The following RPS6KC1 variants were observed in gnomAD, a reference collection of about 807,000 sequenced individuals.
The protein encoded by RPS6KC1 is inactive ribosomal protein S6 kinase delta-1.
Under a neutral mutation model 103.8 loss-of-function variants are expected in RPS6KC1, and 54 were observed. The observed-to-expected ratio is 0.52, with a 90% CI of 0.42 to 0.65. The LOEUF (loss-of-function observed/expected upper bound fraction) is 0.65. Ranked by LOEUF, RPS6KC1 falls within the 30% of genes least tolerant of loss-of-function variation. RPS6KC1 has a pLI of 0.00. For synonymous variants in RPS6KC1, 439 were observed against 438.7 expected (o/e 1.00, Z -0.01); for missense variants, 1,151 against 1,253.8 (o/e 0.92, Z 1.24).
intron 7 of RPS6KC1, among the ~76,000 whole-genome samples, chr1:213,171,505 A>G (rs1384733148): frequency 6.6e-6 from 1 of 152,224 alleles, no homozygotes; most frequent in Non-Finnish European, 1.5e-5. Flanking sequence ...AAAAGACAAT[A>G]AATGATCTAA....
At chr1:213,069,328 G>A (rs2078657304) in intron 1 of RPS6KC1, among the ~76,000 whole-genome samples, 1 of 152,124 alleles carries the variant, frequency 6.6e-6, no homozygotes, top group African/African-American at 2.4e-5. Context: ...TTGTTCTCTG[G>A]AATTCTTAGG....
chr1:213,543,147 A>G, the RPS6KC1 span, among the ~76,000 whole-genome samples: 7 of 152,218 alleles, frequency 4.6e-5, no homozygotes, highest in African/African-American at 1.4e-4. Context: ...GTGGTTACGG[A>G]TGAGCCTAGA....
the RPS6KC1 span, among the ~76,000 whole-genome samples, chr1:213,514,449 G>C: frequency 6.7e-3 from 937 of 139,734 alleles, no homozygotes; most frequent in Middle Eastern, 0.014. Context: ...TCTCATTGTT[G>C]AATTCCCACC....
At chr1:213,849,289 G>T in the RPS6KC1 span, among the ~76,000 whole-genome samples, 22 of 152,266 alleles carry the variant, frequency 1.4e-4, no homozygotes, top group Non-Finnish European at 2.4e-4. Flanking sequence ...AGAGACAGGG[G>T]CTGTTAGGAG....
chr1:213,813,167 C>G, the RPS6KC1 span, among the ~76,000 whole-genome samples: 1 of 152,036 alleles, frequency 6.6e-6, no homozygotes, highest in African/African-American at 2.4e-5. Flanking sequence ...AGGAGAATCA[C>G]TTGAACCCGG....
the RPS6KC1 span, among the ~76,000 whole-genome samples, chr1:213,758,947 A>AGT: frequency 0.31 from 47,742 of 152,038 alleles, 7,951 homozygotes; most frequent in East Asian, 0.57. Context: ...TTGATAAGGC[A>AGT]GTGGTAGGGC....
the RPS6KC1 span, among the ~76,000 whole-genome samples, chr1:213,586,703 A>G: frequency 2.0e-5 from 3 of 151,814 alleles, no homozygotes; most frequent in Non-Finnish European, 2.9e-5. Flanking sequence ...CTCCCCTCCC[A>G]CCTCCTTTGG....
the RPS6KC1 span, among the ~76,000 whole-genome samples, chr1:213,661,990 G>A: frequency 6.6e-6 from 1 of 152,130 alleles, no homozygotes; most frequent in Non-Finnish European, 1.5e-5. Context: ...TCCTATTAAT[G>A]TGGCTGGAAC....
the RPS6KC1 span, among the ~76,000 whole-genome samples, chr1:213,836,641 A>T: frequency 5.3e-4 from 81 of 152,302 alleles, no homozygotes; most frequent in Admixed American, 1.5e-3. Flanking sequence ...TGATAAATAT[A>T]TGATGTATAT....
the RPS6KC1 span, among the ~76,000 whole-genome samples, chr1:213,703,682 G>A: frequency 6.6e-6 from 1 of 152,070 alleles, no homozygotes; most frequent in African/African-American, 2.4e-5. Context: ...TGGTTTGTAA[G>A]GTTCCCACTG....
the RPS6KC1 span, among the ~76,000 whole-genome samples, chr1:213,288,335 T>C: frequency 6.6e-6 from 1 of 152,210 alleles, no homozygotes; most frequent in Non-Finnish European, 1.5e-5. Flanking sequence ...AGCAACCAGC[T>C]CACCTTGCAT....
the RPS6KC1 span, among the ~76,000 whole-genome samples, chr1:213,702,141 T>C: frequency 6.6e-6 from 1 of 152,110 alleles, no homozygotes; most frequent in Non-Finnish European, 1.5e-5. Context: ...CAAGAAATTT[T>C]TCAATTTTCT....
intron 8 of RPS6KC1, among the ~76,000 whole-genome samples, chr1:213,177,428 G>A (rs187380958): frequency 5.9e-5 from 9 of 152,094 alleles, no homozygotes; most frequent in South Asian, 2.1e-4. Flanking sequence ...TGAAGTATGC[G>A]TGTGATTCCA....
intron 8 of RPS6KC1, among the ~76,000 whole-genome samples, chr1:213,177,758 G>A (rs2091969841): frequency 6.6e-6 from 1 of 152,052 alleles, no homozygotes; most frequent in Admixed American, 6.6e-5. Flanking sequence ...AGATTTCTTT[G>A]CAGGCAAGTA....
the RPS6KC1 span, among the ~76,000 whole-genome samples, chr1:213,808,403 C>A: frequency 6.6e-6 from 1 of 152,248 alleles, no homozygotes; most frequent in Non-Finnish European, 1.5e-5. Context: ...CAGAGGCAGG[C>A]AGGCCTTCTT....
chr1:213,055,704 C>T (rs1241900078), intron 1 of RPS6KC1, among the ~76,000 whole-genome samples: 1 of 152,122 alleles, frequency 6.6e-6, no homozygotes, highest in Non-Finnish European at 1.5e-5. Flanking sequence ...TTAGAATCAG[C>T]TTGTCTGGTT....
At chr1:213,185,590 G>A (rs1573096489) in intron 8 of RPS6KC1, among the ~76,000 whole-genome samples, 1 of 152,080 alleles carries the variant, frequency 6.6e-6, no homozygotes, top group African/African-American at 2.4e-5. Context: ...AGAGGTTGTA[G>A]TCAGCTGGGA....
chr1:213,777,264 A>G, the RPS6KC1 span, among the ~76,000 whole-genome samples: 1 of 152,138 alleles, frequency 6.6e-6, no homozygotes, highest in Non-Finnish European at 1.5e-5. Flanking sequence ...CTTCCCCACT[A>G]AGCTTAATCA....
chr1:213,569,743 A>G, the RPS6KC1 span, among the ~76,000 whole-genome samples: 2 of 152,218 alleles, frequency 1.3e-5, no homozygotes, highest in Non-Finnish European at 2.9e-5. Context: ...GTCAGGGCAG[A>G]AGCATGGAAT....
Sources: gnomAD v4.1 joint callset for allele counts (sites outside exome capture counted in the v4.1 genomes callset) on GRCh38, gnomAD v4.1.1 for gene constraint, MANE v1.5 for transcripts, NCBI Gene and HGNC (gene_info 2026-07-23, HGNC 2026-07-21) for gene names.